DPY19L4: variants seen among roughly 807,000 people sequenced by gnomAD.
DPY19L4 encodes probable C-mannosyltransferase DPY19L4.
Under a neutral mutation model 102.8 loss-of-function variants are expected in DPY19L4, and 97 were observed. The observed-to-expected ratio is 0.94, with a 90% confidence interval of 0.80 to 1.12. The LOEUF (loss-of-function observed/expected upper bound fraction) is 1.12. DPY19L4 is among the 50% of genes most tolerant of loss of function. The pLI is 0.00. For missense variants in DPY19L4, 815 were observed against 850.4 expected (o/e 0.96, Z 0.52); for synonymous variants, 252 against 283.1 (o/e 0.89, Z 1.10).
chr8:94,766,123 C>A (rs961671139), intron 10 of DPY19L4, among the ~76,000 whole-genome samples: 1 of 152,102 alleles, frequency 6.6e-6, no homozygotes, highest in Non-Finnish European at 1.5e-5. Context: ...TTACTTGAGC[C>A]TGGTGGGATA....
intron 17 of DPY19L4, among the ~76,000 whole-genome samples, chr8:94,787,440 G>A (rs1163557931): frequency 2.0e-4 from 30 of 152,146 alleles, no homozygotes; most frequent in Admixed American, 2.0e-3. Context: ...CAGCTATGGT[G>A]ACAGGTAGGA....
chr8:94,769,681 C>T (rs963541578), intron 12 of DPY19L4, among the ~76,000 whole-genome samples: 5 of 150,928 alleles, frequency 3.3e-5, no homozygotes, highest in African/African-American at 1.2e-4. Context: ...GTGAGACCCC[C>T]GTCTCTTAAA....
rs755604255 is a variant in DPY19L4, at chr8:94,766,685, A to C, written c.1175A>C (p.Lys392Thr). ...GTAAAATTTGGACTAAATATGACCA[A>C]GTAAGTTTTAGATTATGTAAGTTTA... is the stretch of plus-strand genomic sequence containing the variant. ...LEVKFGLNMTKNFTMNWLLCQ... is the reference protein window; with the variant it reads ...LEVKFGLNMTTNFTMNWLLCQ... Residue 392 changes from lysine to threonine, a missense_variant and splice_region_variant, in exon 11 of 19, where the codon AAG becomes ACG. Lys to Thr is a moderately conservative substitution (Grantham distance 78). Transcript: ENST00000414645. 6.2e-7 allele frequency: 1 copy of C among 1,610,874 alleles called. No individual in the cohort carries two copies. Among genetic ancestry groups the C allele is most frequent in the African/African-American group, 1.3e-5 (1 of 74,846 alleles).
intron 8 of DPY19L4, among the ~76,000 whole-genome samples, chr8:94,762,612 A>G (rs1812439711): frequency 6.6e-6 from 1 of 152,162 alleles, no homozygotes; most frequent in Non-Finnish European, 1.5e-5. Context: ...TCAAAAATAG[A>G]ACGTAAGCCA....
chr8:94,744,430 C>G, intron 6 of DPY19L4: 1 of 456,734 alleles, frequency 2.2e-6, no homozygotes, highest in Non-Finnish European at 4.4e-6. Context: ...AGCCAGGTAT[C>G]TGTTATAACC....
intron 4 of DPY19L4, 123 bp from the exon 5 acceptor site, chr8:94,739,290 C>T: frequency 8.4e-7 from 1 of 1,185,254 alleles, no homozygotes; most frequent in Non-Finnish European, 1.1e-6. Flanking sequence ...ATGGAAAATG[C>T]AGCATGGAGT....
rs1020107712 is a variant in DPY19L4, at chr8:94,783,673, G to C, written c.1719G>C (p.Arg573Ser). The change falls in exon 17 of 19, where the codon AGG becomes AGC. Residue 573 changes from arginine (R) to serine (S), a missense_variant. Transcript: ENST00000414645. ...AAATCTTTATGGTTCTTTGCAGAAG[G>C]CAAGCTCCAGTTGCAGCTGTGTTTG... ...DTVELMTWIK[R>S]QAPVAAVFAG... 6.2e-7 allele frequency: 1 copy of C among 1,613,476 alleles called. No homozygotes were observed. The highest frequency in any genetic ancestry group is 1.3e-5 in the African/African-American group (1 of 74,914).
At chr8:94,720,690 G>A (rs1204999380) in intron 1 of DPY19L4, among the ~76,000 whole-genome samples, 1 of 152,172 alleles carries the variant, frequency 6.6e-6, no homozygotes, top group Non-Finnish European at 1.5e-5. Context: ...GCTAAGATAA[G>A]TAATTCATTC....
chr8:94,770,068 A>T (rs6471484), intron 12 of DPY19L4, among the ~76,000 whole-genome samples: 2 of 151,862 alleles, frequency 1.3e-5, no homozygotes, highest in East Asian at 3.9e-4. Flanking sequence ...TTATATTTTA[A>T]TAGAGATGGG....
At chr8:94,722,275 C>T (rs188042450) in intron 1 of DPY19L4, among the ~76,000 whole-genome samples, 7 of 151,710 alleles carry the variant, frequency 4.6e-5, no homozygotes, top group Non-Finnish European at 7.4e-5. Flanking sequence ...GGCATGGTGG[C>T]GCATGCCTAT....
At chr8:94,751,676 G>T (rs1362109876) in intron 6 of DPY19L4, among the ~76,000 whole-genome samples, 1 of 151,870 alleles carries the variant, frequency 6.6e-6, no homozygotes, top group African/African-American at 2.4e-5. Flanking sequence ...TTTTAGTAGA[G>T]ATGGGGTTTC....
intron 17 of DPY19L4, among the ~76,000 whole-genome samples, chr8:94,784,751 A>G (rs1813584538): frequency 6.6e-6 from 1 of 152,198 alleles, no homozygotes; most frequent in African/African-American, 2.4e-5. Flanking sequence ...TTTTAAAAGA[A>G]GGCTGTCAAT....
chr8:94,789,993 G>A lies in DPY19L4; in HGVS notation c.*83G>A, dbSNP rs1297939832. 7.5e-7 allele frequency: 1 copy of A among 1,331,754 alleles called. No individual in the cohort carries two copies. The highest frequency in any genetic ancestry group is 2.5e-5 in the East Asian group (1 of 40,722). 82.5% of individuals were successfully genotyped at this position (1,331,754 alleles called of 1,614,324 possible). The stretch of plus-strand genomic sequence containing the variant: ...CCTACTCGGTGTCTTTTGCAGATCA[G>A]AGTATGGACATTTGAAATATTGCTG... On this transcript the variant is annotated 3_prime_UTR_variant, in exon 19 of 19. Coordinates refer to ENST00000414645, the MANE Select transcript of DPY19L4 (RefSeq NM_181787.3).
At chr8:94,783,952 A>G (rs1427163534) in intron 17 of DPY19L4, 150 bp downstream of exon 17, 5 of 864,844 alleles carry the variant, frequency 5.8e-6, no homozygotes, top group Non-Finnish European at 6.8e-6. Flanking sequence ...AACCTTTTTA[A>G]TTAATAATAC....
Position 94,783,921 on chromosome 8 carries a change from T to A in DPY19L4, c.1848+119T>A, listed in dbSNP as rs375159593. On this transcript the variant is annotated intron_variant, in intron 17 of 18. Coordinates refer to ENST00000414645, the MANE Select transcript of DPY19L4 (RefSeq NM_181787.3). ...AAAGTCCAAACAATTTTAGAAGAGT[T>A]AATTAACTTCCATTTTAAAAAACCT... The A allele has an allele frequency of 3.8e-5, 43 of 1,142,398 alleles. No individual in the cohort carries two copies. The African/African-American group carries it at 6.0e-4, about 16-fold the overall frequency. The allele number at this position is 1,142,398 out of a possible 1,614,324, so 70.8% of individuals were successfully genotyped here.
chr8:94,735,111 G>A (rs1811139235), intron 3 of DPY19L4, among the ~76,000 whole-genome samples: 1 of 152,178 alleles, frequency 6.6e-6, no homozygotes, highest in East Asian at 1.9e-4. Flanking sequence ...CACATGATTA[G>A]AATGTTTTTG....
chr8:94,725,215 G>C (rs2130783046), intron 1 of DPY19L4, among the ~76,000 whole-genome samples: 1 of 152,260 alleles, frequency 6.6e-6, no homozygotes, highest in African/African-American at 2.4e-5. Flanking sequence ...ATTACTAAGA[G>C]AAAGGAAGAA....
chr8:94,728,989 T>C (rs1407843452), intron 2 of DPY19L4, among the ~76,000 whole-genome samples: 1 of 151,110 alleles, frequency 6.6e-6, no homozygotes, highest in Non-Finnish European at 1.5e-5. Context: ...AGGACCGTCC[T>C]GGACAACATA....
At chr8:94,744,716 T>G (rs1811595897) in intron 6 of DPY19L4, 6 of 364,226 alleles carry the variant, frequency 1.6e-5, no homozygotes, top group Admixed American at 3.6e-5. Flanking sequence ...AACAAAAGAA[T>G]AAGACTCTCT....
Sources: gnomAD v4.1 joint callset for allele counts (sites outside exome capture counted in the v4.1 genomes callset) on GRCh38, gnomAD v4.1.1 for gene constraint, MANE v1.5 for transcripts, NCBI Gene and HGNC (gene_info 2026-07-23, HGNC 2026-07-21) for gene names.